YTHDC1: variants seen among roughly 807,000 people sequenced by gnomAD.
YTHDC1 encodes the protein YTH N6-methyladenosine RNA binding protein C1.
In YTHDC1, 12 loss-of-function variants were observed where a neutral mutation model predicts 107.0. The observed-to-expected ratio is 0.11, with a 90% CI of 0.07 to 0.18. The LOEUF (loss-of-function observed/expected upper bound fraction) is 0.18, where lower values mean the gene tolerates loss of function less well. Among genes scored for constraint, YTHDC1 ranks in the 10% least tolerant of loss-of-function variants. The probability of loss-of-function intolerance (pLI) is 1.00; values close to 1 mark genes in which losing one functional copy is unlikely to be tolerated. For missense variants in YTHDC1, 635 were observed against 898.8 expected, an observed-to-expected ratio of 0.71 and a Z score of 3.75; for synonymous variants, 280 against 289.5, an observed-to-expected ratio of 0.97 and a Z score of 0.33.
intron 1 of YTHDC1, among the ~76,000 whole-genome samples, chr4:68,342,737 CA>C (rs1470229176): frequency 6.6e-6 from 1 of 152,080 alleles, no homozygotes; most frequent in Non-Finnish European, 1.5e-5. Context: ...CATTTTAATT[CA>C]TTTTTTTAAC....
chr4:68,337,778 C>A lies in YTHDC1; in HGVS notation c.253G>T (p.Val85Phe). The A allele has an allele frequency of 6.2e-7, 1 of 1,614,118 alleles. No homozygotes were observed. Among genetic ancestry groups the A allele is most frequent in the Non-Finnish European group, 8.5e-7 (1 of 1,180,024 alleles). ...GTGGCTGACTTTCCTTTTGTACTAA[C>A]TATTCTTTTGTTATTGCTAACAGAT... Reference protein sequence around the residue: ...SSSVSNNKRIVSTKGKSATEY... With the variant: ...SSSVSNNKRIFSTKGKSATEY... Residue 85 changes from valine to phenylalanine, a missense_variant, in exon 3 of 17, where the codon GTT (valine) becomes TTT (phenylalanine). By Grantham distance (50) the Val-to-Phe change is conservative (BLOSUM62 -1). Transcript: ENST00000344157.
chr4:68,329,955 T>C (rs1449662774), intron 9 of YTHDC1, 47 bp downstream of exon 9: 14 of 1,352,248 alleles, frequency 1.0e-5, no homozygotes, highest in African/African-American at 2.9e-5. Context: ...TCTAAACTGG[T>C]AGTGTATTCA....
chr4:68,316,060 C>G, intron 16 of YTHDC1: 2 of 316,128 alleles, frequency 6.3e-6, no homozygotes, highest in Non-Finnish European at 1.1e-5. Flanking sequence ...TAGGTACTAC[C>G]TAAAAGGAGT....
intron 9 of YTHDC1, 27 bp from the exon 10 acceptor site, chr4:68,324,250 T>C (rs893335344): frequency 2.1e-5 from 33 of 1,586,156 alleles, no homozygotes; most frequent in Non-Finnish European, 2.9e-5. Context: ...ATCAATTACA[T>C]TCTTCTGCAG....
At chr4:68,325,683 T>A (rs1722919797) in intron 9 of YTHDC1, among the ~76,000 whole-genome samples, 1 of 152,142 alleles carries the variant, frequency 6.6e-6, no homozygotes, top group East Asian at 1.9e-4. Flanking sequence ...ACACCTGGCC[T>A]GAATGCTCAG....
chr4:68,320,221 A>G lies in YTHDC1; in HGVS notation c.1602-16T>C. On this transcript the variant is annotated splice_polypyrimidine_tract_variant and intron_variant, in intron 11 of 16. Transcript: ENST00000344157. ...TGGTCGACGCCTACACAAATTAGAC[A>G]CATTAGAAATTAAACCAAAAACTGC... 6.3e-7 allele frequency: 1 copy of G among 1,583,186 alleles called. No individual in the cohort carries two copies. The highest frequency in any genetic ancestry group is 1.2e-5 in the South Asian group (1 of 85,416).
chr4:68,325,200 T>C (rs948512723), intron 9 of YTHDC1, among the ~76,000 whole-genome samples: 1 of 152,130 alleles, frequency 6.6e-6, no homozygotes, highest in African/African-American at 2.4e-5. Flanking sequence ...CTTTCTTCCA[T>C]AGCCATCGAA....
rs941032188 is a variant in YTHDC1, at chr4:68,310,621, C to T, written c.*3478G>A. 18 of 152,156 alleles carry T rather than the reference C, an allele frequency of 1.2e-4. No individual in the cohort carries two copies. The highest frequency in any genetic ancestry group is 1.5e-5 in the Non-Finnish European group (1 of 68,022). The allele number at this position is 152,156 out of a possible 1,614,324, so 9.4% of individuals were successfully genotyped here. The stretch of plus-strand genomic sequence containing the variant: ...AGGAACTTGGGGACTAAACTTGAGC[C>T]AGTTCTTTCCTGTGTGCCTCAATTT... On this transcript the variant is annotated 3_prime_UTR_variant, in exon 17 of 17. Coordinates refer to ENST00000344157, the MANE Select transcript of YTHDC1 (RefSeq NM_001031732.4).
chr4:68,337,509 A>C (rs1291051530), intron 3 of YTHDC1, 59 bp from the exon 4 acceptor site: 1 of 1,596,702 alleles, frequency 6.3e-7, no homozygotes, highest in Non-Finnish European at 8.5e-7. Flanking sequence ...CAGGGTGAAT[A>C]AACAGTTCTA....
At position 68,310,696 on chromosome 4, in the gene YTHDC1, A is replaced by T. The variant is rs951959545; in HGVS notation, c.*3403T>A. 1.3e-5 allele frequency: 2 copies of T among 152,142 alleles called. No individual in the cohort carries two copies. The highest frequency in any genetic ancestry group is 2.9e-5 in the Non-Finnish European group (2 of 68,034). The allele number at this position is 152,142 out of a possible 1,614,324, so 9.4% of individuals were successfully genotyped here. A position where few individuals can be genotyped will look rare whatever the true frequency, so the allele number is the denominator to read the frequency against. ...GGAATGTTTCCTACCCAAATAACAA[A>T]ATCTTAAACATGAAGCTAAAATTAT... On this transcript the variant is annotated 3_prime_UTR_variant, in exon 17 of 17. Coordinates refer to ENST00000344157, the MANE Select transcript of YTHDC1 (RefSeq NM_001031732.4).
intron 16 of YTHDC1, chr4:68,316,054 T>C (rs1186339155): frequency 1.3e-5 from 4 of 300,600 alleles, no homozygotes; most frequent in African/African-American, 2.2e-5. Flanking sequence ...ATAGCCTAGG[T>C]ACTACCTAAA....
In YTHDC1 at chr4:68,330,047, C is replaced by G; in HGVS notation, c.1304G>C (p.Ser435Thr). ...AAAGACACCTCCCAGCATTTTAGCA[C>G]TCATTCCTGCTGGAAGCACCCAGTG... Reference protein sequence around the residue: ...PIHWVLPAGMSAKMLGGVFKI... With the variant: ...PIHWVLPAGMTAKMLGGVFKI... Residue 435 changes from serine to threonine, a missense_variant, in exon 9 of 17, where the codon AGT (serine) becomes ACT (threonine). Ser to Thr is a moderately conservative substitution (Grantham distance 58). Coordinates refer to ENST00000344157, the MANE Select transcript of YTHDC1 (RefSeq NM_001031732.4). 6.2e-7 allele frequency: 1 copy of G among 1,613,844 alleles called. No homozygotes were observed. Among genetic ancestry groups the G allele is most frequent in the Non-Finnish European group, 8.5e-7 (1 of 1,179,782 alleles).
intron 9 of YTHDC1, among the ~76,000 whole-genome samples, chr4:68,324,781 G>A (rs1387976348): frequency 6.6e-6 from 1 of 152,046 alleles, no homozygotes; most frequent in Non-Finnish European, 1.5e-5. Flanking sequence ...TTGTACAATA[G>A]ATAATTTATT....
Position 68,313,898 on chromosome 4 carries a change from G to C in YTHDC1, c.*201C>G. 2 of 608,768 alleles carry C rather than the reference G, an allele frequency of 3.3e-6. No homozygotes were observed. The highest frequency in any genetic ancestry group is 4.1e-5 in the South Asian group (2 of 48,618). 37.7% of individuals were successfully genotyped at this position (608,768 alleles called of 1,614,324 possible). A position where few individuals can be genotyped will look rare whatever the true frequency, so the allele number is the denominator to read the frequency against. On this transcript the variant is annotated 3_prime_UTR_variant, in exon 17 of 17. Coordinates refer to ENST00000344157, the MANE Select transcript of YTHDC1 (RefSeq NM_001031732.4). The stretch of plus-strand genomic sequence containing the variant: ...AATAAAAGTGTCAATTCAACTGTCA[G>C]CTGTGGATTTTTGGCGGATTTGAGT...
At position 68,333,444 on chromosome 4, in the gene YTHDC1, AGAG is replaced by A. The variant is rs1723812672; in HGVS notation, c.884-50_884-48del. 3 of 1,370,532 alleles carry A rather than the reference AGAG, an allele frequency of 2.2e-6. No individual in the cohort carries two copies. The Admixed American group carries it at 5.6e-5, about 25-fold the overall frequency. 84.9% of individuals were successfully genotyped at this position (1,370,532 alleles called of 1,614,324 possible). ...TTTTTAAATCACAATACAGAAACGA[AGAG>A]AAGTAATCAAACAAGAATGTATCAT... On this transcript the variant is annotated intron_variant, in intron 4 of 16. Coordinates refer to ENST00000344157, the MANE Select transcript of YTHDC1 (RefSeq NM_001031732.4).
rs1722538023 is a variant in YTHDC1, at chr4:68,322,450, A to C, written c.1601+299T>G. On this transcript the variant is annotated intron_variant, in intron 11 of 16. Coordinates refer to ENST00000344157, the MANE Select transcript of YTHDC1 (RefSeq NM_001031732.4). The surrounding 1 kb of genome is among the most constrained non-coding windows in gnomAD (Gnocchi z 4.8). ...CTTTCTAGCCTGTTCTTAGCAACAA[A>C]TGCCTACCTCATTTCAATTGTATAC... The C allele has an allele frequency of 1.3e-5, 4 of 303,818 alleles. No homozygotes were observed. In the Admixed American group the frequency reaches 1.9e-4, roughly 15 times the overall value. 18.8% of individuals were successfully genotyped at this position (303,818 alleles called of 1,614,324 possible). A position where few individuals can be genotyped will look rare whatever the true frequency, so the allele number is the denominator to read the frequency against.
chr4:68,318,818 C>T lies in YTHDC1; in HGVS notation c.1721+8G>A, dbSNP rs751607794. On this transcript the variant is annotated splice_region_variant and intron_variant, in intron 13 of 16. Coordinates refer to ENST00000344157, the MANE Select transcript of YTHDC1 (RefSeq NM_001031732.4). ...ATTCAAAACTAGGCAAGAGTGAACC[C>T]GACTTACCTGTCCACTTCCTGGTAT... 1.2e-5 allele frequency: 20 copies of T among 1,613,944 alleles called. No homozygotes were observed. Among genetic ancestry groups the T allele is most frequent in the African/African-American group, 5.3e-5 (4 of 74,900 alleles).
rs34633749 is a variant in YTHDC1, at chr4:68,346,078, CATAT to C, written c.28+3644_28+3647del. Among the ~76,000 whole-genome samples the C allele has an allele frequency of 3.8e-3, 498 of 132,618 alleles. 4 individuals are homozygous for C. The highest frequency in any genetic ancestry group is 0.01 in the African/African-American group (357 of 34,304). 87.0% of individuals were successfully genotyped at this position (132,618 alleles called of 152,430 possible). On this transcript the variant is annotated intron_variant, in intron 1 of 16. Coordinates refer to ENST00000344157, the MANE Select transcript of YTHDC1 (RefSeq NM_001031732.4). ...GTGTGTGCACATGACTGTGTGTGTA[CATAT>C]ATATATATATATATATATACACACA...
intron 9 of YTHDC1, among the ~76,000 whole-genome samples, chr4:68,328,430 A>T (rs1723222210): frequency 6.6e-6 from 1 of 152,220 alleles, no homozygotes; most frequent in South Asian, 2.1e-4. Context: ...CCAAGTTTAT[A>T]TTTTAAAACC....
Sources: allele counts gnomAD v4.1 joint callset (sites outside exome capture counted in the v4.1 genomes callset), GRCh38; gene constraint gnomAD v4.1.1; non-coding constraint Gnocchi (gnomAD v3.1); transcripts MANE v1.5; gene names NCBI Gene and HGNC (gene_info 2026-07-23, HGNC 2026-07-21).